The following HECTD2 variants were observed in gnomAD, a reference collection of about 807,000 sequenced individuals.
HECTD2 encodes probable E3 ubiquitin-protein ligase HECTD2.
Under a neutral mutation model 103.2 loss-of-function variants are expected in HECTD2, and 35 were observed. The ratio of observed to expected loss-of-function variants is 0.34; its 90% confidence interval spans 0.26 to 0.45. The LOEUF is 0.45. Among genes scored for constraint, HECTD2 ranks in the 20% least tolerant of loss-of-function variants. The pLI, the probability that HECTD2 is intolerant of heterozygous loss-of-function variation, is 1.00. For missense variants in HECTD2, 596 were observed against 937.4 expected (o/e 0.64, Z 4.76); for synonymous variants, 281 against 329.9 (o/e 0.85, Z 1.61).
Position 91,512,620 on chromosome 10 carries a change from C to A in HECTD2, c.*236C>A. The A allele has an allele frequency of 2.2e-6, 1 of 458,480 alleles. No homozygotes were observed. The allele number at this position is 458,480 out of a possible 1,614,324, so 28.4% of individuals were successfully genotyped here. On this transcript the variant is annotated 3_prime_UTR_variant, in exon 21 of 21. Coordinates refer to ENST00000298068, the MANE Select transcript of HECTD2 (RefSeq NM_182765.6). ...CCACATGGCAGAGACAGGTATGGTC[C>A]AGTTCCTCTTTTATATAGCACTTTA...
At chr10:91,495,143 T>C (rs1846621316) in intron 14 of HECTD2, among the ~76,000 whole-genome samples, 1 of 152,018 alleles carries the variant, frequency 6.6e-6, no homozygotes, top group Admixed American at 6.6e-5. Flanking sequence ...AAATTGATGC[T>C]GTAAAAAGCA....
intron 3 of HECTD2, 36 bp from the exon 4 acceptor site, chr10:91,461,218 C>A (rs1845333979): frequency 2.2e-6 from 2 of 896,356 alleles, no homozygotes; most frequent in Non-Finnish European, 3.5e-6. Flanking sequence ...AATAATATTT[C>A]TATATGTATA....
At chr10:91,420,706 G>A (rs574416273) in intron 1 of HECTD2, among the ~76,000 whole-genome samples, 2 of 152,272 alleles carry the variant, frequency 1.3e-5, no homozygotes, top group East Asian at 3.9e-4. Flanking sequence ...AACAGAGACT[G>A]GCTGTTTTTT....
intron 4 of HECTD2, 32 bp downstream of exon 4, chr10:91,461,388 A>G: frequency 9.3e-6 from 10 of 1,079,354 alleles, no homozygotes; most frequent in Non-Finnish European, 1.3e-5. Flanking sequence ...TTTTCATTTC[A>G]CTTTTAGTTT....
At chr10:91,436,203 G>A (rs530681054) in intron 2 of HECTD2, among the ~76,000 whole-genome samples, 5 of 152,038 alleles carry the variant, frequency 3.3e-5, no homozygotes, top group African/African-American at 1.2e-4. Flanking sequence ...AAGTTTGGTA[G>A]TCTTTGATTT....
At position 91,449,262 on chromosome 10, in the gene HECTD2, G is replaced by A. The variant is rs922357285; in HGVS notation, c.269-11165G>A. Among the ~76,000 whole-genome samples the A allele has an allele frequency of 9.2e-5, 14 of 152,048 alleles. 1 individual carries two copies. Among genetic ancestry groups the A allele is most frequent in the East Asian group, 1.9e-4 (1 of 5,190 alleles). ...GTTCAACATACACAAATCAATAAACGTAATCCATTTCAACAGAACCAATGA... is the reference window on the plus strand; with the variant it reads ...GTTCAACATACACAAATCAATAAACATAATCCATTTCAACAGAACCAATGA... On this transcript the variant is annotated intron_variant, in intron 2 of 20. Coordinates refer to ENST00000298068, the MANE Select transcript of HECTD2 (RefSeq NM_182765.6).
chr10:91,411,303 C>T (rs1387077217), intron 1 of HECTD2, among the ~76,000 whole-genome samples: 1 of 152,148 alleles, frequency 6.6e-6, no homozygotes, highest in Non-Finnish European at 1.5e-5. Flanking sequence ...CCCCCTCCCC[C>T]TCTTTCCCTA....
chr10:91,466,316 A>T (rs371228433), intron 5 of HECTD2, among the ~76,000 whole-genome samples: 4 of 152,218 alleles, frequency 2.6e-5, no homozygotes, highest in African/African-American at 9.6e-5. Flanking sequence ...TTTTGTGATT[A>T]GTCTGGCTAG....
chr10:91,462,208 A>G lies in HECTD2; in HGVS notation c.600+24A>G, dbSNP rs758760011. ...CTGTAAGTATTATGACATGCAAGTA[A>G]TATTATTCTGTGTCTCTTCTGTATA... On this transcript the variant is annotated intron_variant, in intron 5 of 20. Coordinates refer to ENST00000298068, the MANE Select transcript of HECTD2 (RefSeq NM_182765.6). 3.9e-6 allele frequency: 6 copies of G among 1,557,026 alleles called. No individual in the cohort carries two copies. The South Asian group carries it at 6.0e-5, about 16-fold the overall frequency.
At chr10:91,505,408 A>G (rs1214790797) in intron 20 of HECTD2, among the ~76,000 whole-genome samples, 4 of 152,312 alleles carry the variant, frequency 2.6e-5, no homozygotes, top group South Asian at 2.1e-4. Flanking sequence ...CATAGGCTCA[A>G]AATAAAGGGA....
chr10:91,482,015 G>C (rs879265030), intron 7 of HECTD2, among the ~76,000 whole-genome samples: 11 of 151,698 alleles, frequency 7.3e-5, no homozygotes, highest in Non-Finnish European at 1.2e-4. Context: ...AGGGAAAATA[G>C]AGAAGTAAGA....
chr10:91,425,369 G>T lies in HECTD2; in HGVS notation c.227G>T (p.Arg76Ile). The T allele has an allele frequency of 6.3e-7, 1 of 1,579,654 alleles. No individual in the cohort carries two copies. Among genetic ancestry groups the T allele is most frequent in the South Asian group, 1.2e-5 (1 of 84,956 alleles). ...CCGAAGAAAGAAGCTGCTGAAAACA[G>T]AAGTTCACCTGCACATCTTGTTTTC... is the stretch of plus-strand genomic sequence containing the variant. ...VSPKKEAAENRSSPAHLVFPN... is the reference protein window; with the variant it reads ...VSPKKEAAENISSPAHLVFPN... Residue 76 changes from arginine to isoleucine, a missense_variant, in exon 2 of 21, where the codon AGA (arginine) becomes ATA (isoleucine). This residue lies in a region of HECTD2 where 220 missense variants were observed against 233.9 expected (regional missense o/e 0.94). Transcript: ENST00000298068.
In HECTD2 at chr10:91,513,391, A is replaced by G. The variant is rs1847499693; in HGVS notation, c.*1007A>G. On this transcript the variant is annotated 3_prime_UTR_variant, in exon 21 of 21. Transcript: ENST00000298068. ...AGGTTAAAGTATTTGACAAAAGTGA[A>G]TACAATAATAACACTTGTGTCAAAA... 1 of 152,650 alleles carries G rather than the reference A, an allele frequency of 6.6e-6. No individual in the cohort carries two copies. The highest frequency in any genetic ancestry group is 1.5e-5 in the Non-Finnish European group (1 of 68,026). The allele number at this position is 152,650 out of a possible 1,614,324, so 9.5% of individuals were successfully genotyped here.
Position 91,422,334 on chromosome 10 carries a change from C to T in HECTD2, c.139-2947C>T, listed in dbSNP as rs539001871. ...ATGACAGTTGTCAATGAAAAAATGC[C>T]TTCTATGTGTTAAATTATTGTAGAT... On this transcript the variant is annotated intron_variant, in intron 1 of 20. Transcript: ENST00000298068. 1.3e-4 allele frequency among the ~76,000 whole-genome samples: 20 copies of T among 152,194 alleles called. No homozygotes were observed. The South Asian group carries it at 4.1e-3, about 32-fold the overall frequency.
intron 13 of HECTD2, among the ~76,000 whole-genome samples, chr10:91,492,832 G>A (rs1450445486): frequency 6.6e-6 from 1 of 151,948 alleles, no homozygotes; most frequent in Non-Finnish European, 1.5e-5. Flanking sequence ...TTGCTCTATA[G>A]TAACATTTAA....
chr10:91,496,452 C>T lies in HECTD2; in HGVS notation c.1680+80C>T, dbSNP rs982555777. The T allele has an allele frequency of 7.6e-6, 7 of 922,206 alleles. No individual in the cohort carries two copies. In the African/African-American group the frequency reaches 1.2e-4, roughly 16 times the overall value. 57.1% of individuals were successfully genotyped at this position (922,206 alleles called of 1,614,324 possible). A position where few individuals can be genotyped will look rare whatever the true frequency, so the allele number is the denominator to read the frequency against. On this transcript the variant is annotated intron_variant, in intron 15 of 20. Transcript: ENST00000298068. ...ACCTGCACAGTCTCTCCTCCTAATG[C>T]TATTCTTACTTTTAAATATGGTTTC...
chr10:91,428,246 T>C (rs2133049233), intron 2 of HECTD2, among the ~76,000 whole-genome samples: 1 of 152,068 alleles, frequency 6.6e-6, no homozygotes, highest in East Asian at 1.9e-4. Flanking sequence ...ATCTCTGTTT[T>C]GGTACCAGTA....
intron 4 of HECTD2, among the ~76,000 whole-genome samples, chr10:91,461,894 A>G (rs1262493224): frequency 3.9e-5 from 6 of 152,114 alleles, no homozygotes; most frequent in African/African-American, 1.4e-4. Flanking sequence ...GTTTAACTCC[A>G]TTCCTTCACT....
chr10:91,436,638 G>C (rs956592004), intron 2 of HECTD2, among the ~76,000 whole-genome samples: 2 of 151,992 alleles, frequency 1.3e-5, no homozygotes, highest in Non-Finnish European at 2.9e-5. Context: ...ATGGAGGAGG[G>C]ATAGTCATGT....
Sources: gnomAD v4.1 joint callset for allele counts (sites outside exome capture counted in the v4.1 genomes callset) on GRCh38, gnomAD v4.1.1 for gene constraint, gnomAD v4.1.1 regional missense constraint, MANE v1.5 for transcripts, NCBI Gene and HGNC (gene_info 2026-07-23, HGNC 2026-07-21) for gene names.